AUH: variants seen among roughly 807,000 people sequenced by gnomAD.
AUH encodes the protein methylglutaconyl-CoA hydratase, mitochondrial.
Under a neutral mutation model 42.3 loss-of-function variants are expected in AUH, and 29 were observed. That is an observed-to-expected ratio of 0.69 (90% CI 0.51 to 0.93). The LOEUF (loss-of-function observed/expected upper bound fraction) is 0.93. AUH is among the 40% of genes least tolerant of loss of function. The probability of loss-of-function intolerance (pLI) is 0.00; values close to 1 mark genes in which losing one functional copy is unlikely to be tolerated. For synonymous variants in AUH, 174 were observed against 166.4 expected (o/e 1.05, Z -0.35); for missense variants, 452 against 438.1 (o/e 1.03, Z -0.28).
At chr9:91,219,889 C>T (rs1276750042) in intron 7 of AUH, among the ~76,000 whole-genome samples, 1 of 152,190 alleles carries the variant, frequency 6.6e-6, no homozygotes, top group East Asian at 1.9e-4. Context: ...AATCTCATGG[C>T]ATTCCCAAAA....
rs1261424907 is a variant in AUH at position 91,214,336 on chromosome 9, T to G, written c.*12A>C. ...ATTTATTACATTGGCATCTTAAGAA[T>G]TTCTGTTCCTTTTATTCTCCTTTAT... On this transcript the variant is annotated 3_prime_UTR_variant, in exon 10 of 10. Transcript: ENST00000375731. The G allele has an allele frequency of 1.3e-6, 2 of 1,597,034 alleles. No homozygotes were observed. Among genetic ancestry groups the G allele is most frequent in the African/African-American group, 2.7e-5 (2 of 74,540 alleles).
chr9:91,344,685 T>C (rs983589823), intron 3 of AUH, among the ~76,000 whole-genome samples: 3 of 152,154 alleles, frequency 2.0e-5, no homozygotes, highest in African/African-American at 7.2e-5. Flanking sequence ...CTATGCAAAC[T>C]TGTTCAGGGA....
At chr9:91,317,972 T>G (rs1829281776) in intron 4 of AUH, among the ~76,000 whole-genome samples, 1 of 152,218 alleles carries the variant, frequency 6.6e-6, no homozygotes, top group Non-Finnish European at 1.5e-5. Context: ...AAAGCCCAAT[T>G]TGGTCTTTTG....
At chr9:91,227,337 G>T (rs553293325) in intron 6 of AUH, among the ~76,000 whole-genome samples, 2 of 124,162 alleles carry the variant, frequency 1.6e-5, no homozygotes, top group African/African-American at 5.4e-5. Context: ...GTTCACTCAT[G>T]ATTTGGCTCT....
intron 6 of AUH, among the ~76,000 whole-genome samples, chr9:91,260,664 T>C (rs77581199): frequency 0.072 from 10,900 of 152,232 alleles, 675 homozygotes; most frequent in East Asian, 0.26. Context: ...GAAGTAAAAA[T>C]TAATTTTCAC....
chr9:91,217,467 C>A, intron 7 of AUH, 140 bp from the exon 8 acceptor site: 1 of 833,102 alleles, frequency 1.2e-6, no homozygotes, highest in South Asian at 1.6e-5. Context: ...GGAAAATTTT[C>A]TGAGCCTTGC....
chr9:91,271,154 G>A (rs1028551883), intron 6 of AUH, among the ~76,000 whole-genome samples: 3 of 152,182 alleles, frequency 2.0e-5, no homozygotes, highest in Admixed American at 1.3e-4. Flanking sequence ...TCAGGAGTTA[G>A]CTAAAAGGAC....
At chr9:91,225,407 G>T (rs1827384251) in intron 6 of AUH, among the ~76,000 whole-genome samples, 1 of 152,178 alleles carries the variant, frequency 6.6e-6, no homozygotes, top group Non-Finnish European at 1.5e-5. Flanking sequence ...AGAGTTAGGG[G>T]TAAAAGTGAA....
intron 3 of AUH, among the ~76,000 whole-genome samples, chr9:91,342,435 G>A (rs184331832): frequency 9.2e-5 from 14 of 152,260 alleles, no homozygotes; most frequent in East Asian, 7.7e-4. Context: ...GCATTAGGAC[G>A]TGGACAACTT....
chr9:91,334,470 C>T (rs201272561), intron 3 of AUH, among the ~76,000 whole-genome samples: 7 of 151,390 alleles, frequency 4.6e-5, no homozygotes, highest in South Asian at 4.2e-4. Context: ...CTCATCTTCC[C>T]CTGCCCTTGG....
chr9:91,277,585 CTATG>C (rs555785376), intron 6 of AUH, among the ~76,000 whole-genome samples: 5 of 152,058 alleles, frequency 3.3e-5, no homozygotes, highest in African/African-American at 4.8e-5. Flanking sequence ...GGGAAAAAAT[CTATG>C]TATGTATGTA....
intron 4 of AUH, among the ~76,000 whole-genome samples, chr9:91,314,152 G>T (rs1828958537): frequency 6.6e-6 from 1 of 151,996 alleles, no homozygotes; most frequent in Non-Finnish European, 1.5e-5. Flanking sequence ...ACATGCAAAA[G>T]GATTTTTCTC....
intron 4 of AUH, among the ~76,000 whole-genome samples, chr9:91,319,179 G>A (rs909194938): frequency 3.9e-5 from 6 of 152,114 alleles, no homozygotes; most frequent in South Asian, 4.1e-4. Flanking sequence ...CCTAGGCACT[G>A]CATCTCTGTC....
chr9:91,287,327 T>C (rs1040153609), intron 6 of AUH, among the ~76,000 whole-genome samples: 6 of 152,122 alleles, frequency 3.9e-5, no homozygotes, highest in South Asian at 2.1e-4. Flanking sequence ...GATGATTAAA[T>C]ACAAATTTAT....
chr9:91,282,229 C>T (rs1453142308), intron 6 of AUH, among the ~76,000 whole-genome samples: 1 of 152,120 alleles, frequency 6.6e-6, no homozygotes, highest in Non-Finnish European at 1.5e-5. Flanking sequence ...GATTAATTTC[C>T]TCAACTCCCT....
At chr9:91,301,483 T>C (rs563862264) in intron 4 of AUH, among the ~76,000 whole-genome samples, 2 of 152,324 alleles carry the variant, frequency 1.3e-5, no homozygotes, top group Admixed American at 6.5e-5. Flanking sequence ...GGACGAACGA[T>C]TGCCTGTGCC....
intron 4 of AUH, among the ~76,000 whole-genome samples, chr9:91,302,447 G>C (rs944976186): frequency 6.6e-6 from 1 of 152,118 alleles, no homozygotes; most frequent in Non-Finnish European, 1.5e-5. Context: ...AAATTAGCTG[G>C]GCGTGGTGGT....
chr9:91,337,139 CAG>C (rs1339170519), intron 3 of AUH, among the ~76,000 whole-genome samples: 2 of 152,184 alleles, frequency 1.3e-5, no homozygotes, highest in Non-Finnish European at 2.9e-5. Context: ...GCCCACAGAG[CAG>C]AGATTATTTC....
At chr9:91,296,114 T>C (rs1323548730) in intron 5 of AUH, 37 bp from the exon 6 acceptor site, 1 of 1,590,076 alleles carries the variant, frequency 6.3e-7, no homozygotes. Context: ...ATCATCCATA[T>C]CATCACATTC....
Sources: allele counts gnomAD v4.1 joint callset (sites outside exome capture counted in the v4.1 genomes callset), GRCh38; gene constraint gnomAD v4.1.1; transcripts MANE v1.5; gene names NCBI Gene and HGNC (gene_info 2026-07-23, HGNC 2026-07-21).